The following LYPLAL1 variants were observed in gnomAD, a reference collection of about 807,000 sequenced individuals.
The protein encoded by LYPLAL1 is lysophospholipase-like protein 1.
A neutral mutation model predicts 19.7 loss-of-function variants in LYPLAL1; 23 were observed. That is an observed-to-expected ratio of 1.17 (90% CI 0.84 to 1.65). The LOEUF (loss-of-function observed/expected upper bound fraction) is 1.65. LYPLAL1 is among the 40% of genes most tolerant of loss of function. The pLI is 0.00. For missense variants in LYPLAL1, 355 were observed against 279.4 expected (o/e 1.27, Z -1.93); for synonymous variants, 119 against 96.3 (o/e 1.24, Z -1.38).
At chr1:219,421,566 T>C in the LYPLAL1 span, among the ~76,000 whole-genome samples, 32 of 152,330 alleles carry the variant, frequency 2.1e-4, no homozygotes, top group South Asian at 5.4e-3. Flanking sequence ...AATTACATAA[T>C]ATTCTGCTGA....
the LYPLAL1 span, among the ~76,000 whole-genome samples, chr1:219,347,614 GC>G: frequency 6.6e-6 from 1 of 152,162 alleles, no homozygotes; most frequent in African/African-American, 2.4e-5. Flanking sequence ...GCATGTAGCT[GC>G]CAATAGATGC....
intron 3 of LYPLAL1, among the ~76,000 whole-genome samples, chr1:219,205,106 A>T (rs531412760): frequency 2.0e-5 from 3 of 152,230 alleles, no homozygotes; most frequent in African/African-American, 7.2e-5. Context: ...CACACACATA[A>T]AAAGCACTCA....
the LYPLAL1 span, among the ~76,000 whole-genome samples, chr1:219,362,587 G>A: frequency 1.3e-5 from 2 of 152,116 alleles, no homozygotes; most frequent in African/African-American, 4.8e-5. Context: ...ATGGAAGCAG[G>A]AACCCCAGAA....
the LYPLAL1 span, among the ~76,000 whole-genome samples, chr1:219,375,398 G>A: frequency 1.1e-4 from 16 of 151,216 alleles, no homozygotes; most frequent in African/African-American, 1.9e-4. Context: ...CCCGGGAGGC[G>A]GAGGTTGCAG....
chr1:219,389,777 AC>A, the LYPLAL1 span, among the ~76,000 whole-genome samples: 1 of 152,114 alleles, frequency 6.6e-6, no homozygotes, highest in Admixed American at 6.6e-5. Flanking sequence ...TTTTGCCATT[AC>A]TTTTAGTGGC....
the LYPLAL1 span, among the ~76,000 whole-genome samples, chr1:219,240,580 AAAT>A: frequency 6.6e-6 from 1 of 152,232 alleles, no homozygotes; most frequent in African/African-American, 2.4e-5. Flanking sequence ...ATCAAGAAGA[AAAT>A]AAGGAAATAA....
In LYPLAL1 at chr1:219,211,685, G is replaced by A. The variant is rs756324970; in HGVS notation, c.671G>A (p.Trp224Ter). Residue 224 changes from tryptophan to a stop codon, truncating the protein, a stop_gained, in exon 5 of 5, where the codon TGG (tryptophan) becomes TAG (stop). Coordinates refer to ENST00000366928, the MANE Select transcript of LYPLAL1 (RefSeq NM_138794.5). LOFTEE classifies it high-confidence loss of function. ...ACTGAGTTAGACATATTGAAGTTAT[G>A]GATTCTTACAAAGCTGCCAGGAGAA... The part of the protein sequence containing the change: ...SKTELDILKL[W>*]ILTKLPGEME... 4 of 1,611,258 alleles carry A rather than the reference G, an allele frequency of 2.5e-6. No individual in the cohort carries two copies. Among genetic ancestry groups the A allele is most frequent in the South Asian group, 1.1e-5 (1 of 90,622 alleles).
At chr1:219,175,092 T>C (rs995208463) in intron 1 of LYPLAL1, 51 of 985,164 alleles carry the variant, frequency 5.2e-5, no homozygotes, top group Non-Finnish European at 5.7e-5. Context: ...AAAGGGCAAT[T>C]GTGGGAGGTA....
chr1:219,209,877 C>T (rs1658861698), intron 3 of LYPLAL1, among the ~76,000 whole-genome samples: 1 of 152,052 alleles, frequency 6.6e-6, no homozygotes. Context: ...CAGTGACTGG[C>T]ATAGAATTGG....
At chr1:219,425,973 T>C in the LYPLAL1 span, among the ~76,000 whole-genome samples, 1 of 152,270 alleles carries the variant, frequency 6.6e-6, no homozygotes, top group Admixed American at 6.5e-5. Context: ...CTCCTCGCTG[T>C]TGTTCTAAAG....
At chr1:219,216,540 T>C (rs1343248183), downstream of LYPLAL1, among the ~76,000 whole-genome samples, 1 of 152,148 alleles carries the variant, frequency 6.6e-6, no homozygotes, top group Non-Finnish European at 1.5e-5. Context: ...ACTGTCTGGA[T>C]TGTGAGGTTT....
chr1:219,379,775 A>G, the LYPLAL1 span, among the ~76,000 whole-genome samples: 23 of 152,238 alleles, frequency 1.5e-4, 1 homozygote, highest in Admixed American at 1.5e-3. Context: ...ATGGAAGTGC[A>G]TGCTATACAA....
chr1:219,181,247 A>G (rs1233392696), intron 2 of LYPLAL1, among the ~76,000 whole-genome samples: 1 of 152,166 alleles, frequency 6.6e-6, no homozygotes, highest in Admixed American at 6.5e-5. Context: ...ATGCTAAATA[A>G]TTACACTGAA....
At chr1:219,346,258 A>G in the LYPLAL1 span, among the ~76,000 whole-genome samples, 2 of 152,268 alleles carry the variant, frequency 1.3e-5, no homozygotes, top group East Asian at 3.9e-4. Context: ...GTGTGGGAAA[A>G]CAGGAATTAG....
the LYPLAL1 span, among the ~76,000 whole-genome samples, chr1:219,403,413 A>G: frequency 3.9e-5 from 6 of 152,186 alleles, no homozygotes; most frequent in Non-Finnish European, 5.9e-5. Context: ...GGATATCCTG[A>G]CTGAATTCTG....
chr1:219,235,454 A>G, the LYPLAL1 span, among the ~76,000 whole-genome samples: 1 of 152,222 alleles, frequency 6.6e-6, no homozygotes, highest in African/African-American at 2.4e-5. Context: ...CTATGGATCA[A>G]TGTGGAAGAA....
At chr1:219,250,267 A>G in the LYPLAL1 span, among the ~76,000 whole-genome samples, 1 of 152,014 alleles carries the variant, frequency 6.6e-6, no homozygotes, top group South Asian at 2.1e-4. Flanking sequence ...ATTTACTGAA[A>G]TGATTACCCT....
chr1:219,205,339 G>C (rs1437811499), intron 3 of LYPLAL1, among the ~76,000 whole-genome samples: 1 of 145,544 alleles, frequency 6.9e-6, no homozygotes, highest in Non-Finnish European at 1.5e-5. Flanking sequence ...AGTCCGGCCT[G>C]GGCGACAGAG....
intron 3 of LYPLAL1, 146 bp from the exon 4 acceptor site, chr1:219,210,386 T>G (rs1270532856): frequency 1.9e-6 from 1 of 515,318 alleles, no homozygotes; most frequent in African/African-American, 1.9e-5. Context: ...CAGGCCTTTG[T>G]CTGTGAAACT....
Sources: gnomAD v4.1 joint callset for allele counts (sites outside exome capture counted in the v4.1 genomes callset) on GRCh38, gnomAD v4.1.1 for gene constraint, MANE v1.5 for transcripts, NCBI Gene and HGNC (gene_info 2026-07-23, HGNC 2026-07-21) for gene names.